ZNF526: variants seen among roughly 807,000 people sequenced by gnomAD.
The protein encoded by ZNF526 is zinc finger protein 526.
A neutral mutation model predicts 32.4 loss-of-function variants in ZNF526; 16 were observed. That is an observed-to-expected ratio of 0.49 (90% confidence interval 0.33 to 0.75). The LOEUF (loss-of-function observed/expected upper bound fraction) is 0.75, where lower values mean the gene tolerates loss of function less well. Ranked by LOEUF, ZNF526 falls within the 30% of genes least tolerant of loss-of-function variation. The pLI, the probability that ZNF526 is intolerant of heterozygous loss-of-function variation, is 0.02. For missense variants in ZNF526, 838 were observed against 920.7 expected, an observed-to-expected ratio of 0.91 and a Z score of 1.16; for synonymous variants, 355 against 363.4, an observed-to-expected ratio of 0.98 and a Z score of 0.26.
Position 42,225,672 on chromosome 19 carries a change from C to T in ZNF526, c.1269C>T (p.Pro423=). The change falls in exon 3 of 3, where the codon CCC becomes CCT. Residue 423 remains proline (P), a synonymous_variant. Coordinates refer to ENST00000301215, the MANE Select transcript of ZNF526 (RefSeq NM_133444.3). The part of the protein sequence containing the change: ...SGAPPTGATA[P]PAPAEPTPPP... ...CACCTCCCACAGGAGCAACAGCTCCCCCAGCTCCAGCGGAGCCCACCCCTC... is the reference window on the plus strand; with the variant it reads ...CACCTCCCACAGGAGCAACAGCTCCTCCAGCTCCAGCGGAGCCCACCCCTC... The T allele has an allele frequency of 6.2e-7, 1 of 1,613,234 alleles. No individual in the cohort carries two copies. Among genetic ancestry groups the T allele is most frequent in the East Asian group, 2.2e-5 (1 of 44,846 alleles).
At chr19:42,223,497 C>T (rs866578888) in intron 1 of ZNF526, among the ~76,000 whole-genome samples, 3 of 152,046 alleles carry the variant, frequency 2.0e-5, no homozygotes, top group Admixed American at 6.6e-5. Flanking sequence ...AAAAATTAGC[C>T]GGGCGTGGTT....
intron 1 of ZNF526, among the ~76,000 whole-genome samples, chr19:42,223,829 A>AC (rs2036145139): frequency 6.8e-6 from 1 of 147,944 alleles, no homozygotes; most frequent in African/African-American, 2.5e-5. Context: ...AAAAAAAAAA[A>AC]AAAAAAAAAG....
intron 1 of ZNF526, among the ~76,000 whole-genome samples, chr19:42,221,153 C>T (rs886338616): frequency 1.3e-5 from 2 of 152,162 alleles, no homozygotes; most frequent in Admixed American, 1.3e-4. Flanking sequence ...AATTCACAGT[C>T]TAATGGGGAA....
rs1485275139 is a variant in ZNF526, at chr19:42,225,234, C to A, written c.831C>A (p.Asp277Glu). 16 of 1,614,010 alleles carry A rather than the reference C, an allele frequency of 9.9e-6. No homozygotes were observed. The highest frequency in any genetic ancestry group is 1.3e-5 in the African/African-American group (1 of 74,944). Reference sequence around the variant, plus strand: ...CTGGCTGGGCTCAGGGCTGCGGGGACTGTCCCCAGCACCAGCCCTCAGCAG... The same window carrying A: ...CTGGCTGGGCTCAGGGCTGCGGGGAATGTCCCCAGCACCAGCCCTCAGCAG... ...STAGWAQGCGDCPQHQPSAGA... is the reference protein window; with the variant it reads ...STAGWAQGCGECPQHQPSAGA... Residue 277 changes from aspartate (D) to glutamate (E), a missense_variant, in exon 3 of 3, where the codon GAC (aspartate) becomes GAA (glutamate). Transcript: ENST00000301215.
chr19:42,226,183 G>T lies in ZNF526; in HGVS notation c.1780G>T (p.Val594Phe). ...AMAGLRLHQR[V>F]HARARTLTLQ... Reference sequence around the variant, plus strand: ...GGCGGGCTTGCGACTGCATCAGCGGGTCCATGCCCGAGCTCGGACTTTGAC... The same window carrying T: ...GGCGGGCTTGCGACTGCATCAGCGGTTCCATGCCCGAGCTCGGACTTTGAC... Residue 594 changes from valine (V) to phenylalanine (F), a missense_variant, in exon 3 of 3, where the codon GTC becomes TTC. By Grantham distance (50) the Val-to-Phe change is conservative. Coordinates refer to ENST00000301215, the MANE Select transcript of ZNF526 (RefSeq NM_133444.3). The T allele has an allele frequency of 1.2e-6, 2 of 1,608,854 alleles. No homozygotes were observed. The highest frequency in any genetic ancestry group is 8.5e-7 in the Non-Finnish European group (1 of 1,180,012).
rs780047979 is a variant in ZNF526 at position 42,225,947 on chromosome 19, T to G, written c.1544T>G (p.Leu515Arg). ...CGKTFASLAN[L>R]SRHQLTHTGA... The stretch of plus-strand genomic sequence containing the variant: ...AAGACCTTTGCTTCTTTGGCCAACC[T>G]CAGCCGCCACCAGCTGACCCATACG... Residue 515 changes from leucine to arginine, a missense_variant, in exon 3 of 3, where the codon CTC becomes CGC. Transcript: ENST00000301215. The G allele has an allele frequency of 7.7e-5, 125 of 1,613,966 alleles. No individual in the cohort carries two copies. Among genetic ancestry groups the G allele is most frequent in the Non-Finnish European group, 1.1e-4 (124 of 1,180,012 alleles).
rs2036153181 is a variant in ZNF526, at chr19:42,224,496, G to A, written c.93G>A (p.Met31Ile). The A allele has an allele frequency of 6.2e-7, 1 of 1,614,114 alleles. No individual in the cohort carries two copies. Among genetic ancestry groups the A allele is most frequent in the African/African-American group, 1.3e-5 (1 of 74,932 alleles). ...CAACACCTATGTCGGCAGAGATGAT[G>A]GAGATGTCAACAGAAGTGACTGAGA... ...EMSTPMSAEMMEMSTEVTEMT... is the reference protein window; with the variant it reads ...EMSTPMSAEMIEMSTEVTEMT... Residue 31 changes from methionine (M) to isoleucine (I), a missense_variant, in exon 3 of 3, where the codon ATG (methionine) becomes ATA (isoleucine). By Grantham distance (10) the Met-to-Ile change is conservative. Coordinates refer to ENST00000301215, the MANE Select transcript of ZNF526 (RefSeq NM_133444.3).
rs376501255 is a variant in ZNF526, at chr19:42,226,208, C to T, written c.1805C>T (p.Thr602Met). ...QRVHARARTL[T>M]LQPPRSPSPA... ...GTCCATGCCCGAGCTCGGACTTTGA[C>T]GCTACAGCCTCCCAGATCACCATCT... The change falls in exon 3 of 3, where the codon ACG becomes ATG. Residue 602 changes from threonine (T) to methionine (M), a missense_variant. Transcript: ENST00000301215. 77 of 1,611,336 alleles carry T rather than the reference C, an allele frequency of 4.8e-5. 1 individual carries two copies. Among genetic ancestry groups the T allele is most frequent in the South Asian group, 2.7e-4 (25 of 91,082 alleles).
In ZNF526 at chr19:42,226,383, C is replaced by G. The variant is rs760111594; in HGVS notation, c.1980C>G (p.Gly660=). The change falls in exon 3 of 3, where the codon GGC becomes GGG. Residue 660 remains glycine (G), a synonymous_variant. Transcript: ENST00000301215. The part of the protein sequence containing the change: ...CQAALGASEA[G]GLLQLDTAFV ...CTGCACTGGGGGCCAGTGAAGCAGG[C>G]GGGCTCTTGCAGTTGGACACGGCCT... 6.2e-7 allele frequency: 1 copy of G among 1,614,228 alleles called. No homozygotes were observed. Among genetic ancestry groups the G allele is most frequent in the African/African-American group, 1.3e-5 (1 of 75,068 alleles).
In ZNF526 at chr19:42,225,998, A is replaced by C. The variant is rs768110700; in HGVS notation, c.1595A>C (p.Asp532Ala). The change falls in exon 3 of 3, where the codon GAC becomes GCC. Residue 532 changes from aspartate (D) to alanine (A), a missense_variant. Transcript: ENST00000301215. ...HTGARPYQCL[D>A]CGKRFTQSSN... Reference sequence around the variant, plus strand: ...GGTGCACGTCCCTACCAATGCCTGGACTGTGGCAAGCGCTTCACACAGAGC... The same window carrying C: ...GGTGCACGTCCCTACCAATGCCTGGCCTGTGGCAAGCGCTTCACACAGAGC... 1.2e-6 allele frequency: 2 copies of C among 1,613,712 alleles called. No individual in the cohort carries two copies. Among genetic ancestry groups the C allele is most frequent in the Non-Finnish European group, 1.7e-6 (2 of 1,180,024 alleles).
chr19:42,223,120 G>C (rs372865245), intron 1 of ZNF526, among the ~76,000 whole-genome samples: 2 of 152,192 alleles, frequency 1.3e-5, no homozygotes, highest in East Asian at 1.9e-4. Context: ...ATATGTAAGA[G>C]GCAGAGGAAA....
In ZNF526 at chr19:42,225,539, G is replaced by A. The variant is rs1287421595; in HGVS notation, c.1136G>A (p.Arg379Gln). 6 of 1,611,698 alleles carry A rather than the reference G, an allele frequency of 3.7e-6. No homozygotes were observed. The highest frequency in any genetic ancestry group is 4.2e-6 in the Non-Finnish European group (5 of 1,178,050). The change falls in exon 3 of 3, where the codon CGG becomes CAG. Residue 379 changes from arginine to glutamine, a missense_variant. By Grantham distance (43) the Arg-to-Gln change is conservative (BLOSUM62 1). Coordinates refer to ENST00000301215, the MANE Select transcript of ZNF526 (RefSeq NM_133444.3). ...FGTELTLVAH[R>Q]RAHTANPLHR... ...ACAGAACTCACGTTGGTGGCTCACC[G>A]GCGGGCCCACACTGCCAACCCATTG...
In ZNF526 at chr19:42,226,226, C is replaced by T. The variant is rs777133152; in HGVS notation, c.1823C>T (p.Ser608Leu). 25 of 1,612,620 alleles carry T rather than the reference C, an allele frequency of 1.6e-5. No individual in the cohort carries two copies. Among genetic ancestry groups the T allele is most frequent in the Non-Finnish European group, 2.1e-5 (25 of 1,180,038 alleles). The change falls in exon 3 of 3, where the codon TCA becomes TTA. Residue 608 changes from serine (S) to leucine (L), a missense_variant. Physicochemically the swap from Ser to Leu is moderately radical, Grantham distance 145. Transcript: ENST00000301215. ...ACTTTGACGCTACAGCCTCCCAGAT[C>T]ACCATCTCCTGCCCCACCCCCACCT... ...ARTLTLQPPR[S>L]PSPAPPPPPE...
Position 42,227,127 on chromosome 19 carries a change from A to G in ZNF526, c.*711A>G. The G allele has an allele frequency of 5.7e-6, 1 of 174,468 alleles. No homozygotes were observed. Among genetic ancestry groups the G allele is most frequent in the East Asian group, 1.8e-4 (1 of 5,506 alleles). The allele number at this position is 174,468 out of a possible 1,614,324, so 10.8% of individuals were successfully genotyped here. A position where few individuals can be genotyped will look rare whatever the true frequency, so the allele number is the denominator to read the frequency against. ...TCCCATACTGGGTGATGCTGGGGGC[A>G]GAGATGAGTCAGGCCTAAGGCTTCT... On this transcript the variant is annotated 3_prime_UTR_variant, in exon 3 of 3. Coordinates refer to ENST00000301215, the MANE Select transcript of ZNF526 (RefSeq NM_133444.3).
rs1208146973 is a variant in ZNF526, at chr19:42,225,542, G to A, written c.1139G>A (p.Arg380Gln). 8 of 1,611,480 alleles carry A rather than the reference G, an allele frequency of 5.0e-6. No individual in the cohort carries two copies. Among genetic ancestry groups the A allele is most frequent in the South Asian group, 1.1e-5 (1 of 91,024 alleles). ...GAACTCACGTTGGTGGCTCACCGGC[G>A]GGCCCACACTGCCAACCCATTGCAT... Reference protein sequence around the residue: ...GTELTLVAHRRAHTANPLHRC... With the variant: ...GTELTLVAHRQAHTANPLHRC... The change falls in exon 3 of 3, where the codon CGG becomes CAG. Residue 380 changes from arginine (R) to glutamine (Q), a missense_variant. Transcript: ENST00000301215.
In ZNF526 at chr19:42,226,034, A is replaced by G. The variant is rs1192238466; in HGVS notation, c.1631A>G (p.Gln544Arg). Residue 544 changes from glutamine (Q) to arginine (R), a missense_variant, in exon 3 of 3, where the codon CAG becomes CGG. Gln to Arg is a conservative substitution (Grantham distance 43). Coordinates refer to ENST00000301215, the MANE Select transcript of ZNF526 (RefSeq NM_133444.3). ...CGCTTCACACAGAGCTCCAACCTGC[A>G]GCAGCACCGGCGGTTGCACTTGCGG... ...GKRFTQSSNL[Q>R]QHRRLHLRPV... 5 of 1,612,692 alleles carry G rather than the reference A, an allele frequency of 3.1e-6. No individual in the cohort carries two copies. The African/African-American group carries it at 6.7e-5, about 22-fold the overall frequency.
chr19:42,225,376 C>A lies in ZNF526; in HGVS notation c.973C>A (p.Arg325=), dbSNP rs1423647397. 6.2e-7 allele frequency: 1 copy of A among 1,613,990 alleles called. No homozygotes were observed. Among genetic ancestry groups the A allele is most frequent in the Admixed American group, 1.7e-5 (1 of 60,032 alleles). ...CGCCAACCGGCTGCAGGCTCATGGG[C>A]GGGCCCATGTTGGTGGCACACATGA... ...SSANRLQAHG[R]AHVGGTHECT... The change falls in exon 3 of 3, where the codon CGG becomes AGG. Residue 325 remains arginine, a synonymous_variant. Coordinates refer to ENST00000301215, the MANE Select transcript of ZNF526 (RefSeq NM_133444.3).
rs1179226953 is a variant in ZNF526 at position 42,228,001 on chromosome 19, C to G, written c.*1585C>G. ...ATCACTCGAGCTCAAGAATTCAAGA[C>G]CTGGGCAAGAGAGAGAGACTTTGTC... is the stretch of plus-strand genomic sequence containing the variant. On this transcript the variant is annotated 3_prime_UTR_variant, in exon 3 of 3. Coordinates refer to ENST00000301215, the MANE Select transcript of ZNF526 (RefSeq NM_133444.3). 1 of 151,912 alleles carries G rather than the reference C, an allele frequency of 6.6e-6. No homozygotes were observed. Among genetic ancestry groups the G allele is most frequent in the Non-Finnish European group, 1.5e-5 (1 of 68,002 alleles). 9.4% of individuals were successfully genotyped at this position (151,912 alleles called of 1,614,324 possible). A position where few individuals can be genotyped will look rare whatever the true frequency, so the allele number is the denominator to read the frequency against.
intron 1 of ZNF526, among the ~76,000 whole-genome samples, chr19:42,222,876 G>C (rs1258102900): frequency 6.6e-6 from 1 of 151,910 alleles, no homozygotes; most frequent in Non-Finnish European, 1.5e-5. Flanking sequence ...TCTTGGCAAA[G>C]GGAATAGCAA....
Sources: gnomAD v4.1 joint callset for allele counts (sites outside exome capture counted in the v4.1 genomes callset) on GRCh38, gnomAD v4.1.1 for gene constraint, MANE v1.5 for transcripts, NCBI Gene and HGNC (gene_info 2026-07-23, HGNC 2026-07-21) for gene names.